The following ATG5 variants were observed in gnomAD, a reference collection of about 807,000 sequenced individuals.
ATG5 encodes the protein autophagy related 5.
In ATG5, 14 loss-of-function variants were observed where a neutral mutation model predicts 36.5. The ratio of observed to expected loss-of-function variants is 0.38; its 90% CI spans 0.25 to 0.60. The LOEUF (loss-of-function observed/expected upper bound fraction) is 0.60, where lower values mean the gene tolerates loss of function less well. Among genes scored for constraint, ATG5 ranks in the 20% least tolerant of loss-of-function variants. The pLI is 0.60. For synonymous variants in ATG5, 95 were observed against 101.5 expected, an observed-to-expected ratio of 0.94 and a Z score of 0.38; for missense variants, 195 against 326.7, an observed-to-expected ratio of 0.60 and a Z score of 3.11.
At chr6:106,230,054 A>G (rs1320169899) in intron 6 of ATG5, among the ~76,000 whole-genome samples, 1 of 152,232 alleles carries the variant, frequency 6.6e-6, no homozygotes, top group East Asian at 1.9e-4. Flanking sequence ...CAGACCTAGG[A>G]GGAACTCCCT....
At chr6:106,269,118 C>T (rs1779340560) in intron 5 of ATG5, among the ~76,000 whole-genome samples, 1 of 152,164 alleles carries the variant, frequency 6.6e-6, no homozygotes. Flanking sequence ...TTCTCCACAT[C>T]CCCACTAGAT....
At chr6:106,228,642 T>C (rs1015807166) in intron 6 of ATG5, among the ~76,000 whole-genome samples, 1 of 152,070 alleles carries the variant, frequency 6.6e-6, no homozygotes, top group Non-Finnish European at 1.5e-5. Flanking sequence ...TGGTAACAAT[T>C]TGGCGACCAC....
chr6:106,230,073 G>C (rs1292270808), intron 6 of ATG5, among the ~76,000 whole-genome samples: 1 of 152,198 alleles, frequency 6.6e-6, no homozygotes, highest in Non-Finnish European at 1.5e-5. Context: ...CTTCAGGACA[G>C]GATGATAGAT....
At chr6:106,239,691 A>T (rs1020462118) in intron 6 of ATG5, among the ~76,000 whole-genome samples, 1 of 152,370 alleles carries the variant, frequency 6.6e-6, no homozygotes, top group African/African-American at 2.4e-5. Flanking sequence ...GGGGTGGCAT[A>T]TTCATCCAGT....
chr6:106,273,591 T>A (rs959174312), intron 5 of ATG5, among the ~76,000 whole-genome samples: 2 of 151,362 alleles, frequency 1.3e-5, no homozygotes, highest in Admixed American at 6.6e-5. Context: ...GGAAGGGAAT[T>A]GGGGAAGGGG....
intron 5 of ATG5, among the ~76,000 whole-genome samples, chr6:106,268,870 G>A (rs1779328517): frequency 6.6e-6 from 1 of 151,676 alleles, no homozygotes; most frequent in South Asian, 2.1e-4. Flanking sequence ...CACACACGGG[G>A]GCCTGTCGGT....
At chr6:106,200,092 T>A (rs1200511341) in intron 7 of ATG5, among the ~76,000 whole-genome samples, 1 of 152,138 alleles carries the variant, frequency 6.6e-6, no homozygotes, top group East Asian at 1.9e-4. Context: ...TTTAAAGCAT[T>A]ACATACATGT....
chr6:106,313,574 A>G (rs1420866738), intron 2 of ATG5, among the ~76,000 whole-genome samples: 1 of 152,246 alleles, frequency 6.6e-6, no homozygotes, highest in Non-Finnish European at 1.5e-5. Flanking sequence ...TACAAATTGA[A>G]AAGTTATCTA....
rs942370440 is a variant in ATG5 at position 106,305,642 on chromosome 6, C to T, written c.236+2722G>A. Among the ~76,000 whole-genome samples the T allele has an allele frequency of 3.3e-5, 5 of 152,296 alleles. No individual in the cohort carries two copies. In the South Asian group the frequency reaches 8.3e-4, roughly 25 times the overall value. ...CTCCGAAGAATAAATATAGGAAGGA[C>T]GTTATTATTCAACTCAAATAAATGC... On this transcript the variant is annotated intron_variant, in intron 3 of 7. Coordinates refer to ENST00000369076, the MANE Select transcript of ATG5 (RefSeq NM_004849.4).
chr6:106,227,768 C>G (rs934844492), intron 6 of ATG5, among the ~76,000 whole-genome samples: 9 of 152,206 alleles, frequency 5.9e-5, no homozygotes, highest in African/African-American at 1.9e-4. Flanking sequence ...AATACTGTAA[C>G]TGTTCTTGCA....
At chr6:106,243,884 A>T (rs1778226507) in intron 6 of ATG5, among the ~76,000 whole-genome samples, 1 of 149,770 alleles carries the variant, frequency 6.7e-6, no homozygotes. Context: ...AAAATAAAAC[A>T]AAGATAAGTA....
chr6:106,198,101 C>G (rs1055469746), intron 7 of ATG5, among the ~76,000 whole-genome samples: 1 of 149,330 alleles, frequency 6.7e-6, no homozygotes, highest in African/African-American at 2.5e-5. Context: ...AAACAAACAC[C>G]CTTATAACAG....
intron 3 of ATG5, 144 bp from the exon 4 acceptor site, chr6:106,293,250 G>A (rs1780390391): frequency 2.6e-5 from 18 of 685,642 alleles, no homozygotes; most frequent in South Asian, 2.6e-4. Context: ...CTACAGTTAC[G>A]TGCCTAGGCT....
intron 6 of ATG5, among the ~76,000 whole-genome samples, chr6:106,215,784 C>G (rs564663088): frequency 7.4e-4 from 112 of 152,220 alleles, no homozygotes; most frequent in African/African-American, 2.6e-3. Flanking sequence ...AAGTTAAAAA[C>G]TTTTGTTCTT....
intron 6 of ATG5, 64 bp from the exon 7 acceptor site, chr6:106,202,153 A>G (rs1776456392): frequency 3.9e-6 from 5 of 1,283,670 alleles, no homozygotes; most frequent in African/African-American, 1.5e-5. Context: ...TTACAAATTT[A>G]TATATCATAA....
intron 6 of ATG5, among the ~76,000 whole-genome samples, chr6:106,247,717 C>T (rs149772753): frequency 3.2e-4 from 48 of 152,246 alleles, no homozygotes; most frequent in African/African-American, 1.0e-3. Context: ...TAATAAAAAG[C>T]ACAAAAATGT....
intron 5 of ATG5, among the ~76,000 whole-genome samples, chr6:106,261,537 G>C (rs73778110): frequency 0.025 from 3,745 of 152,322 alleles, 62 homozygotes; most frequent in African/African-American, 0.049. Flanking sequence ...ATCTGGCACA[G>C]CTGTTGTGAT....
At chr6:106,302,752 C>G (rs1770270426) in intron 3 of ATG5, among the ~76,000 whole-genome samples, 1 of 151,722 alleles carries the variant, frequency 6.6e-6, no homozygotes. Context: ...ACAGAAAAAC[C>G]ACTAAATGTG....
chr6:106,257,421 T>C (rs1778843622), intron 5 of ATG5, among the ~76,000 whole-genome samples: 1 of 152,212 alleles, frequency 6.6e-6, no homozygotes, highest in Non-Finnish European at 1.5e-5. Flanking sequence ...AATCTATGAG[T>C]AATGCATTGT....
Sources: gnomAD v4.1 joint callset for allele counts (sites outside exome capture counted in the v4.1 genomes callset) on GRCh38, gnomAD v4.1.1 for gene constraint, MANE v1.5 for transcripts, NCBI Gene and HGNC (gene_info 2026-07-23, HGNC 2026-07-21) for gene names.